Variants in GPC4 observed in about 807,000 individuals in gnomAD.
The protein encoded by GPC4 is glypican 4, also known as glypican-4.
In GPC4, 10 loss-of-function variants were observed where a neutral mutation model predicts 35.0. The ratio of observed to expected loss-of-function variants is 0.29; its 90% CI spans 0.18 to 0.48. The LOEUF is 0.48. GPC4 is among the 20% of genes least tolerant of loss of function. The pLI is 0.99. For synonymous variants in GPC4, 167 were observed against 170.2 expected, an observed-to-expected ratio of 0.98 and a Z score of 0.15; for missense variants, 322 against 451.3, an observed-to-expected ratio of 0.71 and a Z score of 2.60.
At chrX:133,377,889 CTTT>C (rs774106053) in intron 1 of GPC4, among the ~76,000 whole-genome samples, 2 of 72,797 alleles carry the variant, frequency 2.7e-5, no homozygotes, top group Non-Finnish European at 2.6e-5. Context: ...TTTTTTTTTT[CTTT>C]TTTTTTTTTT....
At chrX:133,335,279 G>C (rs2124129817) in intron 2 of GPC4, among the ~76,000 whole-genome samples, 1 of 111,494 alleles carries the variant, frequency 9.0e-6, no homozygotes, top group East Asian at 2.8e-4. Flanking sequence ...GCAGAATACA[G>C]ATTTCTGGTA....
At chrX:133,412,664 C>T (rs1273926795) in intron 1 of GPC4, among the ~76,000 whole-genome samples, 1 of 111,857 alleles carries the variant, frequency 8.9e-6, no homozygotes. Flanking sequence ...TCACTAATAA[C>T]TCCCCTATCT....
chrX:133,415,385 C>T lies in GPC4; in HGVS notation c.-420G>A, dbSNP rs999966113. On this transcript the variant is annotated 5_prime_UTR_variant, in exon 1 of 9. Coordinates refer to ENST00000370828, the MANE Select transcript of GPC4 (RefSeq NM_001448.3). ...GGCGGCGGGCGTTCGCTGCGCGCTG[C>T]TTGGGCTGCCCTGCGCTGGTCCGCT... is the stretch of plus-strand genomic sequence containing the variant. 6.3e-4 allele frequency: 96 copies of T among 153,291 alleles called. No homozygotes were observed. Among genetic ancestry groups the T allele is most frequent in the Non-Finnish European group, 9.3e-4 (76 of 81,953 alleles). The allele number at this position is 153,291 out of a possible 1,213,427, so 12.6% of individuals were successfully genotyped here.
At chrX:133,395,725 T>TA (rs2068740038) in intron 1 of GPC4, among the ~76,000 whole-genome samples, 1 of 111,563 alleles carries the variant, frequency 9.0e-6, no homozygotes, top group South Asian at 3.8e-4. Context: ...ATTAAAGACA[T>TA]ATGGTTCAAG....
intron 1 of GPC4, among the ~76,000 whole-genome samples, chrX:133,362,039 C>T (rs1206415520): frequency 9.1e-6 from 1 of 110,010 alleles, no homozygotes; most frequent in Non-Finnish European, 1.9e-5. Context: ...CAGATTGAGA[C>T]CTCGTCTCTA....
At chrX:133,362,373 G>A (rs1208685458) in intron 1 of GPC4, among the ~76,000 whole-genome samples, 1 of 111,449 alleles carries the variant, frequency 9.0e-6, no homozygotes, top group Non-Finnish European at 1.9e-5. Flanking sequence ...TGCCCTACAT[G>A]TAACATAAAC....
In GPC4 at chrX:133,414,981, G is replaced by A. The variant is rs1236271493; in HGVS notation, c.-16C>T. 3 of 1,202,438 alleles carry A rather than the reference G, an allele frequency of 2.5e-6. No individual in the cohort carries two copies. The highest frequency in any genetic ancestry group is 3.4e-6 in the Non-Finnish European group (3 of 890,358). The stretch of plus-strand genomic sequence containing the variant: ...ACCGTGCCATGGTGCGGGCCGGGGC[G>A]GACGCGTTCCCACCTTTGGGACCGG... On this transcript the variant is annotated 5_prime_UTR_variant, in exon 1 of 9. Transcript: ENST00000370828.
intron 1 of GPC4, among the ~76,000 whole-genome samples, chrX:133,390,733 G>A (rs776713887): frequency 8.9e-6 from 1 of 111,926 alleles, no homozygotes; most frequent in African/African-American, 3.2e-5. Context: ...AGCTCTCAAC[G>A]CATTTGCAGT....
chrX:133,357,931 G>A (rs1344921042), intron 1 of GPC4, among the ~76,000 whole-genome samples: 1 of 111,604 alleles, frequency 9.0e-6, no homozygotes, highest in East Asian at 2.8e-4. Flanking sequence ...TTAACCAATG[G>A]GGGAGTGTTT....
rs746762565 is a variant in GPC4 at position 133,312,602 on chromosome X, CTGTG to C, written c.712-1183_712-1180del. ...CGAGATCTCACCACTACACTCCAGC[CTGTG>C]TGACAGAGTGAGACTCTGTCTCAAA... is the stretch of plus-strand genomic sequence containing the variant. On this transcript the variant is annotated intron_variant, in intron 3 of 8. Coordinates refer to ENST00000370828, the MANE Select transcript of GPC4 (RefSeq NM_001448.3). Among the ~76,000 whole-genome samples, 119 of 108,124 alleles carry C rather than the reference CTGTG, an allele frequency of 1.1e-3. 1 individual carries two copies. Among genetic ancestry groups the C allele is most frequent in the Non-Finnish European group, 1.9e-3 (97 of 52,240 alleles). The allele number at this position is 108,124 out of a possible 115,157, so 93.9% of individuals were successfully genotyped here.
intron 1 of GPC4, among the ~76,000 whole-genome samples, chrX:133,382,439 A>G (rs1458975334): frequency 1.9e-4 from 19 of 98,516 alleles, no homozygotes; most frequent in Admixed American, 4.6e-4. Context: ...AAAAAAAAAA[A>G]AAAAAAAGGC....
intron 3 of GPC4, among the ~76,000 whole-genome samples, chrX:133,314,561 C>T (rs997537126): frequency 9.0e-6 from 1 of 111,215 alleles, no homozygotes; most frequent in African/African-American, 3.3e-5. Context: ...GGCAACTCAG[C>T]TACAACATGC....
intron 3 of GPC4, among the ~76,000 whole-genome samples, chrX:133,320,610 G>A (rs1203137392): frequency 4.2e-5 from 3 of 70,963 alleles, no homozygotes; most frequent in African/African-American, 1.9e-4. Context: ...GGCAGCAAGA[G>A]CAAAACTCTG....
At chrX:133,347,164 A>G (rs900917094) in intron 1 of GPC4, among the ~76,000 whole-genome samples, 2 of 108,506 alleles carry the variant, frequency 1.8e-5, no homozygotes, top group Non-Finnish European at 3.8e-5. Context: ...TAAGATGTTA[A>G]TAACGGGATA....
chrX:133,342,741 C>T (rs2068472768), intron 1 of GPC4, among the ~76,000 whole-genome samples: 1 of 110,853 alleles, frequency 9.0e-6, no homozygotes, highest in Non-Finnish European at 1.9e-5. Flanking sequence ...AGTCTGGGTA[C>T]ATTTGAAAAT....
chrX:133,390,646 T>A (rs1298720870), intron 1 of GPC4, among the ~76,000 whole-genome samples: 1 of 112,488 alleles, frequency 8.9e-6, no homozygotes, highest in Non-Finnish European at 1.9e-5. Context: ...TTCAAGGTTT[T>A]ATTATATTCA....
rs759249557 is a variant in GPC4 at position 133,357,003 on chromosome X, T to A, written c.161-17662A>T. ...GACTCTCTGTTCTGAGTCTCTGAGG[T>A]AGGGAGGCATCATGTTATATGGAAA... On this transcript the variant is annotated intron_variant, in intron 1 of 8. Transcript: ENST00000370828. 5.4e-5 allele frequency among the ~76,000 whole-genome samples: 6 copies of A among 111,242 alleles called. No individual in the cohort carries two copies. In the South Asian group the frequency reaches 1.6e-3, roughly 29 times the overall value.
intron 1 of GPC4, among the ~76,000 whole-genome samples, chrX:133,363,693 A>T (rs927348188): frequency 9.0e-6 from 1 of 111,252 alleles, no homozygotes. Context: ...CACATATTGT[A>T]CAATACACTC....
At chrX:133,396,543 A>C (rs1305504138) in intron 1 of GPC4, among the ~76,000 whole-genome samples, 1 of 112,064 alleles carries the variant, frequency 8.9e-6, no homozygotes, top group African/African-American at 3.2e-5. Context: ...CATTAAAAAC[A>C]CATCTCATTT....
Sources: allele counts gnomAD v4.1 joint callset (sites outside exome capture counted in the v4.1 genomes callset), GRCh38; gene constraint gnomAD v4.1.1; transcripts MANE v1.5; gene names NCBI Gene and HGNC (gene_info 2026-07-23, HGNC 2026-07-21).